Variants in PHYHIPL observed in about 807,000 individuals in gnomAD.
The protein encoded by PHYHIPL is phytanoyl-CoA hydroxylase-interacting protein-like.
A neutral mutation model predicts 33.4 loss-of-function variants in PHYHIPL; 9 were observed. The ratio of observed to expected loss-of-function variants is 0.27; its 90% confidence interval spans 0.16 to 0.47. The LOEUF is 0.47. PHYHIPL is among the 20% of genes least tolerant of loss of function. The pLI is 0.99. For synonymous variants in PHYHIPL, 153 were observed against 154.1 expected (o/e 0.99, Z 0.05); for missense variants, 365 against 460.7 (o/e 0.79, Z 1.90).
At chr10:59,224,711 T>C (rs2133265628) in intron 1 of PHYHIPL, among the ~76,000 whole-genome samples, 1 of 152,324 alleles carries the variant, frequency 6.6e-6, no homozygotes, top group South Asian at 2.1e-4. Context: ...TAAATATTTC[T>C]ACATTTGATG....
upstream of PHYHIPL, among the ~76,000 whole-genome samples, chr10:59,173,640 G>A (rs1430423618): frequency 6.6e-6 from 1 of 152,154 alleles, no homozygotes; most frequent in African/African-American, 2.4e-5. Flanking sequence ...TCTTCCTTTT[G>A]GCTATGTGGC....
At chr10:59,229,241 T>C (rs1008666724) in intron 1 of PHYHIPL, among the ~76,000 whole-genome samples, 9 of 151,738 alleles carry the variant, frequency 5.9e-5, no homozygotes, top group Non-Finnish European at 1.3e-4. Flanking sequence ...ATAAGAACTT[T>C]GATAGTTAGT....
At chr10:59,199,509 C>T (rs1206108496) in intron 1 of PHYHIPL, among the ~76,000 whole-genome samples, 1 of 151,898 alleles carries the variant, frequency 6.6e-6, no homozygotes, top group Non-Finnish European at 1.5e-5. Flanking sequence ...CAGCTTTGTT[C>T]TTTGGCTTAG....
chr10:59,245,548 A>C lies in PHYHIPL; in HGVS notation c.1088A>C (p.Lys363Thr), dbSNP rs1368814452. ...LMSLSTANAK[K>T]DPSCKTCNIS... Reference sequence around the variant, plus strand: ...AGTTTGTCTACTGCAAATGCAAAGAAAGATCCCAGCTGCAAAACCTGTAAT... The same window carrying C: ...AGTTTGTCTACTGCAAATGCAAAGACAGATCCCAGCTGCAAAACCTGTAAT... Residue 363 changes from lysine (K) to threonine (T), a missense_variant, in exon 5 of 5, where the codon AAA becomes ACA. Lys to Thr is a moderately conservative substitution (Grantham distance 78). Coordinates refer to ENST00000373880, the MANE Select transcript of PHYHIPL (RefSeq NM_032439.4). The C allele has an allele frequency of 3.1e-6, 5 of 1,611,344 alleles. No homozygotes were observed. Among genetic ancestry groups the C allele is most frequent in the Non-Finnish European group, 4.2e-6 (5 of 1,179,094 alleles).
chr10:59,184,856 G>T (rs1256269533), intron 1 of PHYHIPL, among the ~76,000 whole-genome samples: 2 of 146,056 alleles, frequency 1.4e-5, no homozygotes, highest in Non-Finnish European at 3.0e-5. Context: ...GTGTCCATGT[G>T]TTCTCATGGT....
chr10:59,242,387 G>C (rs1160259160), intron 4 of PHYHIPL, among the ~76,000 whole-genome samples: 2 of 151,368 alleles, frequency 1.3e-5, no homozygotes, highest in African/African-American at 2.4e-5. Context: ...CATCAATGAA[G>C]TGACTACCCC....
chr10:59,184,687 G>A (rs1344574960), intron 1 of PHYHIPL, among the ~76,000 whole-genome samples: 1 of 151,180 alleles, frequency 6.6e-6, no homozygotes, highest in African/African-American at 2.4e-5. Context: ...TAGGGTACAT[G>A]TGCACAACGT....
intron 1 of PHYHIPL, among the ~76,000 whole-genome samples, chr10:59,188,973 C>T (rs1201741792): frequency 3.9e-5 from 6 of 151,940 alleles, no homozygotes; most frequent in South Asian, 2.1e-4. Flanking sequence ...TATGCACATG[C>T]GTTTCCAGGT....
intron 1 of PHYHIPL, among the ~76,000 whole-genome samples, chr10:59,232,272 A>C (rs1225774643): frequency 6.6e-6 from 1 of 152,036 alleles, no homozygotes; most frequent in Non-Finnish European, 1.5e-5. Context: ...AAGTTGCATA[A>C]AAGTTAATCT....
At chr10:59,239,785 A>G (rs1840336638) in intron 4 of PHYHIPL, among the ~76,000 whole-genome samples, 1 of 152,038 alleles carries the variant, frequency 6.6e-6, no homozygotes, top group African/African-American at 2.4e-5. Context: ...AGGCTTTTAA[A>G]ATGGCAAATG....
chr10:59,219,657 C>G (rs2133255611), intron 1 of PHYHIPL, among the ~76,000 whole-genome samples: 1 of 152,064 alleles, frequency 6.6e-6, no homozygotes, highest in East Asian at 1.9e-4. Flanking sequence ...TTATATATGT[C>G]AATTACATGA....
intron 1 of PHYHIPL, among the ~76,000 whole-genome samples, chr10:59,182,652 T>C (rs1350297330): frequency 1.3e-5 from 2 of 152,194 alleles, no homozygotes; most frequent in Non-Finnish European, 1.5e-5. Flanking sequence ...ATATTTTATA[T>C]ACATACATTT....
chr10:59,216,540 TCTTA>T (rs1330305343), intron 1 of PHYHIPL, among the ~76,000 whole-genome samples: 3 of 152,084 alleles, frequency 2.0e-5, no homozygotes, highest in Non-Finnish European at 4.4e-5. Flanking sequence ...AATGTGACCT[TCTTA>T]CTTCTGCTAT....
chr10:59,244,575 A>AAAAAAAAAAAAAAAAAAAAAAAC (rs1840571250), intron 4 of PHYHIPL, among the ~76,000 whole-genome samples: 2 of 147,286 alleles, frequency 1.4e-5, no homozygotes, highest in Non-Finnish European at 3.0e-5. Context: ...AAAAAAAAAA[A>AAAAAAAAAAAAAAAAAAAAAAAC]AAAAAAAAAA....
chr10:59,237,436 T>C (rs911655601), intron 3 of PHYHIPL, among the ~76,000 whole-genome samples: 4 of 151,944 alleles, frequency 2.6e-5, no homozygotes, highest in African/African-American at 4.8e-5. Flanking sequence ...CTTTGTTTCC[T>C]CCTGTTCATC....
Position 59,246,129 on chromosome 10 carries a change from T to G in PHYHIPL, c.*538T>G, listed in dbSNP as rs938398706. The G allele has an allele frequency of 3.9e-5, 6 of 152,726 alleles. No homozygotes were observed. Among genetic ancestry groups the G allele is most frequent in the African/African-American group, 1.4e-4 (6 of 41,460 alleles). 9.5% of individuals were successfully genotyped at this position (152,726 alleles called of 1,614,324 possible). A position where few individuals can be genotyped will look rare whatever the true frequency, so the allele number is the denominator to read the frequency against. On this transcript the variant is annotated 3_prime_UTR_variant, in exon 5 of 5. Coordinates refer to ENST00000373880, the MANE Select transcript of PHYHIPL (RefSeq NM_032439.4). ...AAACAACTACTGTGTTTCAACATAA[T>G]AAATATAATAGAAAAATATTTTATT...
intron 1 of PHYHIPL, among the ~76,000 whole-genome samples, chr10:59,224,485 CAAA>C (rs1372955365): frequency 1.0e-3 from 156 of 150,950 alleles, no homozygotes; most frequent in African/African-American, 3.5e-3. Context: ...CAAAACAAAA[CAAA>C]ACAAAACAAA....
chr10:59,222,964 G>A (rs982346788), intron 1 of PHYHIPL, among the ~76,000 whole-genome samples: 1 of 152,138 alleles, frequency 6.6e-6, no homozygotes, highest in African/African-American at 2.4e-5. Flanking sequence ...AGGCTTACAG[G>A]ATTGTTAACA....
At chr10:59,233,601 T>C (rs1056446610) in intron 1 of PHYHIPL, among the ~76,000 whole-genome samples, 3 of 151,794 alleles carry the variant, frequency 2.0e-5, no homozygotes, top group Non-Finnish European at 4.4e-5. Flanking sequence ...CTCTATACTG[T>C]TAGCCAAATT....
Sources: gnomAD v4.1 joint callset for allele counts (sites outside exome capture counted in the v4.1 genomes callset) on GRCh38, gnomAD v4.1.1 for gene constraint, MANE v1.5 for transcripts, NCBI Gene and HGNC (gene_info 2026-07-23, HGNC 2026-07-21) for gene names.